KDM5B: variants seen among roughly 807,000 people sequenced by gnomAD.
KDM5B encodes lysine demethylase 5B, also known as lysine-specific demethylase 5B.
In KDM5B, 144 loss-of-function variants were observed where a neutral mutation model predicts 193.4. The observed-to-expected ratio is 0.74, with a 90% CI of 0.65 to 0.86. The LOEUF (loss-of-function observed/expected upper bound fraction) is 0.86. Ranked by LOEUF, KDM5B falls within the 40% of genes least tolerant of loss-of-function variation. The probability of loss-of-function intolerance (pLI) is 0.00; values close to 1 mark genes in which losing one functional copy is unlikely to be tolerated. For missense variants in KDM5B, 1,833 were observed against 1,886.9 expected, an observed-to-expected ratio of 0.97 and a Z score of 0.53; for synonymous variants, 668 against 682.6, an observed-to-expected ratio of 0.98 and a Z score of 0.33.
intron 20 of KDM5B, 99 bp from the exon 21 acceptor site, chr1:202,736,491 T>C: frequency 1.2e-6 from 1 of 830,162 alleles, no homozygotes; most frequent in Non-Finnish European, 1.8e-6. Context: ...GTACTTCAGA[T>C]TACTCCATGA....
chr1:202,801,499 C>CTT (rs1425375793), intron 1 of KDM5B, among the ~76,000 whole-genome samples: 2 of 152,152 alleles, frequency 1.3e-5, no homozygotes, highest in Non-Finnish European at 2.9e-5. Context: ...GACATCTTTT[C>CTT]TTCATTAATC....
At chr1:202,799,351 G>A (rs914075074) in intron 1 of KDM5B, among the ~76,000 whole-genome samples, 3 of 152,086 alleles carry the variant, frequency 2.0e-5, no homozygotes, top group Non-Finnish European at 4.4e-5. Flanking sequence ...TAGAGGAACT[G>A]GCTTTTGAAA....
intron 11 of KDM5B, among the ~76,000 whole-genome samples, chr1:202,754,259 A>C (rs528821224): frequency 6.6e-6 from 1 of 152,370 alleles, no homozygotes; most frequent in African/African-American, 2.4e-5. Context: ...AAGCAGAATT[A>C]ATTCTATACA....
Position 202,730,823 on chromosome 1 carries a change from G to C in KDM5B, c.4176+86C>G, listed in dbSNP as rs1654856068. ...GTCTAATCGCCCAGTCCTCACACCA[G>C]CTGTCTGGTTATGTTTCGAGGAGTA... On this transcript the variant is annotated intron_variant, in intron 25 of 26. Coordinates refer to ENST00000367265, the MANE Select transcript of KDM5B (RefSeq NM_006618.5). 2 of 1,350,498 alleles carry C rather than the reference G, an allele frequency of 1.5e-6. No homozygotes were observed. The highest frequency in any genetic ancestry group is 2.9e-5 in the African/African-American group (2 of 68,602). The allele number at this position is 1,350,498 out of a possible 1,614,324, so 83.7% of individuals were successfully genotyped here. A position where few individuals can be genotyped will look rare whatever the true frequency, so the allele number is the denominator to read the frequency against.
chr1:202,737,859 G>A (rs189828189), intron 20 of KDM5B, among the ~76,000 whole-genome samples: 1 of 152,248 alleles, frequency 6.6e-6, no homozygotes, highest in East Asian at 1.9e-4. Context: ...CAGCCATAAG[G>A]GACATTTTTG....
intron 1 of KDM5B, among the ~76,000 whole-genome samples, chr1:202,788,559 TGTATTGGTATTGGTATTGGTATTG>T (rs71142560): frequency 6.6e-6 from 1 of 151,306 alleles, no homozygotes; most frequent in East Asian, 2.0e-4. Flanking sequence ...TGATCTGTAT[TGTATTGGTATTGGTATTGGTATTG>T]GTATTGGTAT....
In KDM5B at chr1:202,775,879, A is replaced by AAT. The variant is rs1277889468; in HGVS notation, c.282+1136_282+1137dup. Among the ~76,000 whole-genome samples, 382 of 93,156 alleles carry AAT rather than the reference A, an allele frequency of 4.1e-3. 9 individuals carry two copies. Among genetic ancestry groups the AAT allele is most frequent in the African/African-American group, 0.012 (259 of 22,028 alleles). 61.1% of individuals were successfully genotyped at this position (93,156 alleles called of 152,430 possible). A position where few individuals can be genotyped will look rare whatever the true frequency, so the allele number is the denominator to read the frequency against. ...CTCAAAAAAAAAAAAAAAAAAAAAA[A>AAT]ATATATATATATATATATATATATA... On this transcript the variant is annotated intron_variant, in intron 2 of 26. Coordinates refer to ENST00000367265, the MANE Select transcript of KDM5B (RefSeq NM_006618.5).
chr1:202,737,155 C>T (rs1362257897), intron 20 of KDM5B, among the ~76,000 whole-genome samples: 1 of 152,154 alleles, frequency 6.6e-6, no homozygotes, highest in African/African-American at 2.4e-5. Context: ...TATTTTACCC[C>T]AATCCACTCA....
Position 202,735,441 on chromosome 1 carries a change from C to A in KDM5B, c.3411G>T (p.Glu1137Asp). Residue 1137 changes from glutamate (E) to aspartate (D), a missense_variant, in exon 22 of 27, where the codon GAG (glutamate) becomes GAT (aspartate). Glu to Asp is a conservative substitution (Grantham distance 45, BLOSUM62 2). This residue lies in a region of KDM5B where 1,379 missense variants were observed against 1,349.6 expected (regional missense o/e 1.02). Coordinates refer to ENST00000367265, the MANE Select transcript of KDM5B (RefSeq NM_006618.5). ...AAACCCTACATACAGCTGAAGCAGT[C>A]TCCTTGCTTTCAGTTAAAGCTCTCT... is the stretch of plus-strand genomic sequence containing the variant. ...DLERALTESKETASAMATLGE... is the reference protein window; with the variant it reads ...DLERALTESKDTASAMATLGE... 6.2e-7 allele frequency: 1 copy of A among 1,613,666 alleles called. No individual in the cohort carries two copies. Among genetic ancestry groups the A allele is most frequent in the Non-Finnish European group, 8.5e-7 (1 of 1,179,848 alleles).
Position 202,728,808 on chromosome 1 carries a change from A to C in KDM5B, c.*228T>G, listed in dbSNP as rs531375742. 1.3e-5 allele frequency: 6 copies of C among 468,048 alleles called. No homozygotes were observed. Among genetic ancestry groups the C allele is most frequent in the East Asian group, 3.7e-5 (1 of 27,350 alleles). The allele number at this position is 468,048 out of a possible 1,614,324, so 29.0% of individuals were successfully genotyped here. On this transcript the variant is annotated 3_prime_UTR_variant, in exon 27 of 27. Coordinates refer to ENST00000367265, the MANE Select transcript of KDM5B (RefSeq NM_006618.5). The stretch of plus-strand genomic sequence containing the variant: ...AACAGTCAGCTTTTCAAACCTCAAC[A>C]ACCACAAATAGCTCTTAAGGAAAAA...
At chr1:202,740,110 C>T (rs539556051) in intron 20 of KDM5B, among the ~76,000 whole-genome samples, 4 of 150,622 alleles carry the variant, frequency 2.7e-5, no homozygotes, top group African/African-American at 9.7e-5. Flanking sequence ...GGGGCTGACC[C>T]CCCCCACCTC....
intron 8 of KDM5B, 43 bp downstream of exon 8, chr1:202,760,372 C>G: frequency 3.5e-6 from 5 of 1,427,588 alleles, no homozygotes; most frequent in Non-Finnish European, 3.8e-6. Context: ...GAAAAATGCC[C>G]TAAAAAAATT....
At chr1:202,776,055 C>A (rs1406841037) in intron 2 of KDM5B, 2 of 151,470 alleles carry the variant, frequency 1.3e-5, no homozygotes, top group African/African-American at 4.9e-5. Context: ...AATGGTGAAA[C>A]CCCATCTCTA....
intron 1 of KDM5B, among the ~76,000 whole-genome samples, chr1:202,790,311 C>T (rs1038396975): frequency 6.6e-6 from 1 of 152,068 alleles, no homozygotes; most frequent in Non-Finnish European, 1.5e-5. Flanking sequence ...AGGGCAGTGG[C>T]TCACGCTTGT....
At chr1:202,794,538 A>G (rs951184008) in intron 1 of KDM5B, among the ~76,000 whole-genome samples, 16 of 152,248 alleles carry the variant, frequency 1.1e-4, no homozygotes, top group African/African-American at 3.9e-4. Flanking sequence ...AAGGGCACAT[A>G]AAGTACATAG....
In KDM5B at chr1:202,733,397, TC is replaced by T; in HGVS notation, c.3909+3del. On this transcript the variant is annotated splice_donor_region_variant and intron_variant, in intron 23 of 26. Coordinates refer to ENST00000367265, the MANE Select transcript of KDM5B (RefSeq NM_006618.5). ...ATAACCCAACAAGGAAAGTCCAGAT[TC>T]ACCTTGTTTGTGTCTGACACCTGTC... The T allele has an allele frequency of 6.2e-7, 1 of 1,608,750 alleles. No individual in the cohort carries two copies. The highest frequency in any genetic ancestry group is 8.5e-7 in the Non-Finnish European group (1 of 1,175,738).
At chr1:202,789,600 A>AAGGGGGAAGGGTAGGGG (rs1657556794) in intron 1 of KDM5B, among the ~76,000 whole-genome samples, 6 of 916 alleles carry the variant, frequency 6.6e-3, no homozygotes, top group South Asian at 0.021. Flanking sequence ...GAGGAAAGGG[A>AAGGGGGAAGGGTAGGGG]AGGGGAAAGG....
chr1:202,808,291 G>A lies in KDM5B; in HGVS notation c.15C>T (p.Thr5=). The A allele has an allele frequency of 1.2e-6, 2 of 1,600,720 alleles. No individual in the cohort carries two copies. Among genetic ancestry groups the A allele is most frequent in the Non-Finnish European group, 1.7e-6 (2 of 1,174,646 alleles). ...CCGGGCGCGGGCCTGGGTGCAGTGT[G>A]GTGGCCGCCTCCATCACCGCAGGCT... is the stretch of plus-strand genomic sequence containing the variant. MEAA[T]TLHPGPRPAL... Residue 5 remains threonine (T), a synonymous_variant, in exon 1 of 27, where the codon ACC becomes ACT. Transcript: ENST00000367265.
At chr1:202,761,221 T>C (rs574137510) in intron 7 of KDM5B, among the ~76,000 whole-genome samples, 38 of 152,194 alleles carry the variant, frequency 2.5e-4, no homozygotes, top group Non-Finnish European at 4.9e-4. Context: ...CAGGACTGCT[T>C]GAAGCCAGGA....
Sources: gnomAD v4.1 joint callset for allele counts (sites outside exome capture counted in the v4.1 genomes callset) on GRCh38, gnomAD v4.1.1 for gene constraint, gnomAD v4.1.1 regional missense constraint, MANE v1.5 for transcripts, NCBI Gene and HGNC (gene_info 2026-07-23, HGNC 2026-07-21) for gene names.